UGT2B17: variants seen among roughly 807,000 people sequenced by gnomAD.
UGT2B17 encodes the protein UDP-glucuronosyltransferase 2B17.
A neutral mutation model predicts 48.2 loss-of-function variants in UGT2B17; 21 were observed. That is an observed-to-expected ratio of 0.44 (90% confidence interval 0.31 to 0.63). The LOEUF is 0.63. Ranked by LOEUF, UGT2B17 falls within the 20% of genes least tolerant of loss-of-function variation. The probability of loss-of-function intolerance (pLI) is 0.08; values close to 1 mark genes in which losing one functional copy is unlikely to be tolerated. For missense variants in UGT2B17, 402 were observed against 696.1 expected (o/e 0.58, Z 4.75); for synonymous variants, 146 against 238.4 (o/e 0.61, Z 3.57).
In UGT2B17 at chr4:68,573,361, C is replaced by T. The variant is rs530424631; in HGVS notation, c.-65+2590G>A. On this transcript the variant is annotated intron_variant, in intron 1 of 6. Transcript: ENST00000317746. Reference sequence around the variant, plus strand: ...GGTCAGGTAGCCTCAGGGCTGGGGCCGACATGAGTTTTTTTTTTTTTTTTA... The same window carrying T: ...GGTCAGGTAGCCTCAGGGCTGGGGCTGACATGAGTTTTTTTTTTTTTTTTA... Among the ~76,000 whole-genome samples, 3 of 122,194 alleles carry T rather than the reference C, an allele frequency of 2.5e-5. 1 individual carries two copies. The highest frequency in any genetic ancestry group is 2.8e-5 in the African/African-American group (1 of 35,198). 80.2% of individuals were successfully genotyped at this position (122,194 alleles called of 152,430 possible). A position where few individuals can be genotyped will look rare whatever the true frequency, so the allele number is the denominator to read the frequency against.
At chr4:68,548,499 A>C (rs1730860875) in intron 6 of UGT2B17, among the ~76,000 whole-genome samples, 1 of 124,832 alleles carries the variant, frequency 8.0e-6, no homozygotes, top group Admixed American at 8.3e-5. Flanking sequence ...TGGGTGCAGC[A>C]CACCAACATG....
chr4:68,552,620 G>T (rs151230243), intron 4 of UGT2B17, among the ~76,000 whole-genome samples: 1,544 of 125,012 alleles, frequency 0.012, 299 homozygotes, highest in African/African-American at 0.039. Flanking sequence ...GATATTCAGG[G>T]TTCACATTTT....
At chr4:68,564,063 A>G (rs1731149837) in intron 3 of UGT2B17, among the ~76,000 whole-genome samples, 1 of 123,938 alleles carries the variant, frequency 8.1e-6, no homozygotes, top group Admixed American at 8.4e-5. Flanking sequence ...ACACAATATG[A>G]AGTTGTGATT....
intron 4 of UGT2B17, among the ~76,000 whole-genome samples, chr4:68,554,819 C>T (rs149361803): frequency 0.02 from 2,556 of 125,312 alleles, 585 homozygotes; most frequent in East Asian, 0.06. Flanking sequence ...AGTATTCATA[C>T]AGATTACCTA....
At chr4:68,568,862 A>G (rs1419155183) in intron 1 of UGT2B17, among the ~76,000 whole-genome samples, 14 of 135,444 alleles carry the variant, frequency 1.0e-4, no homozygotes, top group African/African-American at 3.6e-4. Flanking sequence ...CACATAATTC[A>G]TATACCATAT....
In UGT2B17 at chr4:68,539,783, C is replaced by CTT. The variant is rs869200519; in HGVS notation, c.1314-1881_1314-1880dup. Among the ~76,000 whole-genome samples, 85 of 93,748 alleles carry CTT rather than the reference C, an allele frequency of 9.1e-4. 9 individuals carry two copies. Among genetic ancestry groups the CTT allele is most frequent in the African/African-American group, 2.4e-3 (61 of 25,860 alleles). The allele number at this position is 93,748 out of a possible 152,430, so 61.5% of individuals were successfully genotyped here. A position where few individuals can be genotyped will look rare whatever the true frequency, so the allele number is the denominator to read the frequency against. On this transcript the variant is annotated intron_variant, in intron 6 of 6. Coordinates refer to ENST00000317746, the MANE Select transcript of UGT2B17 (RefSeq NM_001077.4). ...CCAGTAACTATTTCATACATATAATCTTTTTTTTTTTTTTTTTTTGAGACA... is the reference window on the plus strand; with the variant it reads ...CCAGTAACTATTTCATACATATAATCTTTTTTTTTTTTTTTTTTTTTGAGACA...
In UGT2B17 at chr4:68,559,381, A is replaced by T. The variant is rs1396851756; in HGVS notation, c.1005+1156T>A. Among the ~76,000 whole-genome samples, 35 of 126,418 alleles carry T rather than the reference A, an allele frequency of 2.8e-4. 8 individuals carry two copies. The highest frequency in any genetic ancestry group is 8.9e-4 in the African/African-American group (33 of 37,120). 82.9% of individuals were successfully genotyped at this position (126,418 alleles called of 152,430 possible). On this transcript the variant is annotated intron_variant, in intron 4 of 6. Coordinates refer to ENST00000317746, the MANE Select transcript of UGT2B17 (RefSeq NM_001077.4). Reference sequence around the variant, plus strand: ...AACAATACAGATGCTGAGAATGTAGAAAATTGTATTTTGCTACTTTTTGCT... The same window carrying T: ...AACAATACAGATGCTGAGAATGTAGTAAATTGTATTTTGCTACTTTTTGCT...
Position 68,557,527 on chromosome 4 carries a change from TG to T in UGT2B17, c.1005+3009del, listed in dbSNP as rs1310009036. Among the ~76,000 whole-genome samples the T allele has an allele frequency of 8.1e-5, 10 of 123,634 alleles. 2 individuals carry two copies. Among genetic ancestry groups the T allele is most frequent in the African/African-American group, 2.2e-4 (8 of 36,596 alleles). The allele number at this position is 123,634 out of a possible 152,430, so 81.1% of individuals were successfully genotyped here. ...ACATTGCTGATCCTTTGTTTTGTTT[TG>T]TTTTTTTTTTTAGAGTGAAGGAATC... is the stretch of plus-strand genomic sequence containing the variant. On this transcript the variant is annotated intron_variant, in intron 4 of 6. Coordinates refer to ENST00000317746, the MANE Select transcript of UGT2B17 (RefSeq NM_001077.4).
intron 4 of UGT2B17, among the ~76,000 whole-genome samples, chr4:68,558,064 G>A (rs1435495512): frequency 8.1e-6 from 1 of 123,648 alleles, no homozygotes; most frequent in Non-Finnish European, 1.7e-5. Flanking sequence ...ATAAGACAAA[G>A]TTCCATCAAA....
rs556716593 is a variant in UGT2B17 at position 68,546,391 on chromosome 4, A to C, written c.1313+4286T>G. On this transcript the variant is annotated intron_variant, in intron 6 of 6. Transcript: ENST00000317746. ...AATTCAACAACACTTCATGCTAAAA[A>C]CTCTCAATAAATTAGGTATTGATGG... Among the ~76,000 whole-genome samples, 28 of 125,948 alleles carry C rather than the reference A, an allele frequency of 2.2e-4. 10 individuals carry two copies. The South Asian group carries it at 0.01, about 46-fold the overall frequency. The allele number at this position is 125,948 out of a possible 152,430, so 82.6% of individuals were successfully genotyped here.
Position 68,547,657 on chromosome 4 carries a change from C to A in UGT2B17, c.1313+3020G>T, listed in dbSNP as rs1265286629. On this transcript the variant is annotated intron_variant, in intron 6 of 6. Transcript: ENST00000317746. ...ACAGGCAACCTACAGAATGGGAGAA[C>A]ATTTTTGCAATCTACTCATCTGACA... is the stretch of plus-strand genomic sequence containing the variant. 3.2e-5 allele frequency among the ~76,000 whole-genome samples: 4 copies of A among 125,734 alleles called. 1 individual carries two copies. Among genetic ancestry groups the A allele is most frequent in the Non-Finnish European group, 6.7e-5 (4 of 59,344 alleles). The allele number at this position is 125,734 out of a possible 152,430, so 82.5% of individuals were successfully genotyped here.
chr4:68,544,804 G>T lies in UGT2B17; in HGVS notation c.1313+5873C>A, dbSNP rs1384548063. ...GGCAGGGATTACAATCCTAGTCTCT[G>T]ATAAAACAGACTTTAAACCAGCAAA... On this transcript the variant is annotated intron_variant, in intron 6 of 6. Coordinates refer to ENST00000317746, the MANE Select transcript of UGT2B17 (RefSeq NM_001077.4). 1.3e-4 allele frequency among the ~76,000 whole-genome samples: 16 copies of T among 125,710 alleles called. 4 individuals are homozygous for T. The highest frequency in any genetic ancestry group is 4.4e-4 in the African/African-American group (16 of 36,738). The allele number at this position is 125,710 out of a possible 152,430, so 82.5% of individuals were successfully genotyped here.
intron 4 of UGT2B17, among the ~76,000 whole-genome samples, chr4:68,555,042 G>C (rs769115396): frequency 3.2e-5 from 4 of 125,094 alleles, no homozygotes; most frequent in Non-Finnish European, 6.8e-5. Context: ...CAGAAAAAAA[G>C]ACTAATTAAA....
Position 68,554,537 on chromosome 4 carries a change from A to AT in UGT2B17, c.1006-2627dup, listed in dbSNP as rs1295427189. On this transcript the variant is annotated intron_variant, in intron 4 of 6. Coordinates refer to ENST00000317746, the MANE Select transcript of UGT2B17 (RefSeq NM_001077.4). ...ACAGGTTTTTGTCTGCAAGCTGGTG[A>AT]TTTTTTTTTATCTCATAGCTAAATT... Among the ~76,000 whole-genome samples the AT allele has an allele frequency of 3.2e-5, 4 of 123,724 alleles. 1 individual carries two copies. The highest frequency in any genetic ancestry group is 5.5e-5 in the African/African-American group (2 of 36,394). 81.2% of individuals were successfully genotyped at this position (123,724 alleles called of 152,430 possible). A position where few individuals can be genotyped will look rare whatever the true frequency, so the allele number is the denominator to read the frequency against.
At chr4:68,567,497 A>G (rs1731220617) in intron 2 of UGT2B17, among the ~76,000 whole-genome samples, 1 of 126,022 alleles carries the variant, frequency 7.9e-6, no homozygotes, top group African/African-American at 2.7e-5. Context: ...GCAAAATGAT[A>G]TGTGATGGCT....
intron 5 of UGT2B17, 96 bp downstream of exon 5, chr4:68,551,728 A>T: frequency 1.1e-6 from 1 of 885,216 alleles, no homozygotes; most frequent in Non-Finnish European, 1.5e-6. Flanking sequence ...TAGTTTTCCA[A>T]TAATAAATGT....
At position 68,575,008 on chromosome 4, in the gene UGT2B17, G is replaced by A. The variant is rs1183099884; in HGVS notation, c.-65+943C>T. On this transcript the variant is annotated intron_variant, in intron 1 of 6. Transcript: ENST00000317746. ...TTTTTAAAAAGTGAACTTTCTTTAT[G>A]TCTTTGGACTAGACTGTCTAAGGCC... Among the ~76,000 whole-genome samples the A allele has an allele frequency of 8.9e-5, 9 of 100,978 alleles. 2 individuals carry two copies. The highest frequency in any genetic ancestry group is 3.1e-4 in the African/African-American group (9 of 28,732). 66.2% of individuals were successfully genotyped at this position (100,978 alleles called of 152,430 possible).
Position 68,563,407 on chromosome 4 carries a change from C to T in UGT2B17, c.873+2165G>A, listed in dbSNP as rs1234022981. Among the ~76,000 whole-genome samples, 4 of 126,294 alleles carry T rather than the reference C, an allele frequency of 3.2e-5. 1 individual carries two copies. Among genetic ancestry groups the T allele is most frequent in the Admixed American group, 8.1e-5 (1 of 12,346 alleles). The allele number at this position is 126,294 out of a possible 152,430, so 82.9% of individuals were successfully genotyped here. A position where few individuals can be genotyped will look rare whatever the true frequency, so the allele number is the denominator to read the frequency against. ...AGTGGATCACCTGAGGTCAGGAGTT[C>T]GAGACCAGCCTGGCCAACATGGCGA... On this transcript the variant is annotated intron_variant, in intron 3 of 6. Transcript: ENST00000317746.
chr4:68,545,067 A>T (rs147555698), intron 6 of UGT2B17, among the ~76,000 whole-genome samples: 1,565 of 126,070 alleles, frequency 0.012, 308 homozygotes, highest in African/African-American at 0.04. Context: ...CTCTGCACGA[A>T]GAGGACCTAA....
Sources: allele counts gnomAD v4.1 joint callset (sites outside exome capture counted in the v4.1 genomes callset), GRCh38; gene constraint gnomAD v4.1.1; transcripts MANE v1.5; gene names NCBI Gene and HGNC (gene_info 2026-07-23, HGNC 2026-07-21).